COX10: variants seen among roughly 807,000 people sequenced by gnomAD.
COX10 encodes the protein protoheme IX farnesyltransferase, mitochondrial.
In COX10, 27 loss-of-function variants were observed where a neutral mutation model predicts 37.3. The observed-to-expected ratio is 0.72, with a 90% CI of 0.53 to 1.00. The LOEUF (loss-of-function observed/expected upper bound fraction) is 1.00, where lower values mean the gene tolerates loss of function less well. COX10 is among the 50% of genes least tolerant of loss of function. The pLI is 0.00. For synonymous variants in COX10, 222 were observed against 229.1 expected (o/e 0.97, Z 0.28); for missense variants, 475 against 563.2 (o/e 0.84, Z 1.59).
At chr17:14,197,039 A>G (rs150443816) in intron 6 of COX10, among the ~76,000 whole-genome samples, 356 of 152,288 alleles carry the variant, frequency 2.3e-3, no homozygotes, top group African/African-American at 8.3e-3. Context: ...TACTTTTGCA[A>G]AAGCCCTTCC....
In COX10 at chr17:14,207,473, A is replaced by C; in HGVS notation, c.*260A>C. ...AGGGTCTTTATACATCTCTCCTCCA[A>C]CCCCACCCTCTATTCTGTTTCTTCC... On this transcript the variant is annotated 3_prime_UTR_variant, in exon 7 of 7. Coordinates refer to ENST00000261643, the MANE Select transcript of COX10 (RefSeq NM_001303.4). 3 of 456,230 alleles carry C rather than the reference A, an allele frequency of 6.6e-6. No homozygotes were observed. Among genetic ancestry groups the C allele is most frequent in the Non-Finnish European group, 7.8e-6 (2 of 257,378 alleles). The allele number at this position is 456,230 out of a possible 1,614,324, so 28.3% of individuals were successfully genotyped here.
intron 5 of COX10, among the ~76,000 whole-genome samples, chr17:14,175,006 G>A (rs1447381371): frequency 3.7e-5 from 4 of 106,910 alleles, no homozygotes; most frequent in Admixed American, 2.5e-4. Context: ...ACAGCATGTC[G>A]TATGATTCCA....
intron 5 of COX10, among the ~76,000 whole-genome samples, chr17:14,174,544 T>C (rs1394488092): frequency 6.6e-6 from 1 of 151,936 alleles, no homozygotes; most frequent in East Asian, 1.9e-4. Context: ...CAAAAGATTT[T>C]CAACGTCAGT....
At chr17:14,153,450 C>T (rs1489332235) in intron 4 of COX10, among the ~76,000 whole-genome samples, 1 of 152,130 alleles carries the variant, frequency 6.6e-6, no homozygotes, top group Non-Finnish European at 1.5e-5. Context: ...TTCATGTATA[C>T]AAATACAGTT....
chr17:14,100,963 C>G (rs1915763991), intron 3 of COX10, among the ~76,000 whole-genome samples: 2 of 152,110 alleles, frequency 1.3e-5, no homozygotes, highest in African/African-American at 4.8e-5. Context: ...AGCCTTTATC[C>G]ACTAGAAGAC....
At chr17:14,110,518 A>G (rs1394056394) in intron 4 of COX10, among the ~76,000 whole-genome samples, 1 of 152,052 alleles carries the variant, frequency 6.6e-6, no homozygotes, top group Non-Finnish European at 1.5e-5. Flanking sequence ...GCATGTTGTG[A>G]TTAAACCTGA....
At chr17:14,182,854 A>G (rs925742640) in intron 5 of COX10, among the ~76,000 whole-genome samples, 2 of 150,686 alleles carry the variant, frequency 1.3e-5, no homozygotes, top group African/African-American at 4.9e-5. Context: ...ATTACTTAAC[A>G]GAAAAGCCAC....
chr17:14,188,956 C>G (rs1230824740), intron 5 of COX10, among the ~76,000 whole-genome samples: 1 of 145,086 alleles, frequency 6.9e-6, no homozygotes, highest in Non-Finnish European at 1.5e-5. Context: ...TGCTCTTGAT[C>G]TGTCCACTTT....
chr17:14,105,991 G>A (rs1277705477), intron 4 of COX10, among the ~76,000 whole-genome samples: 3 of 146,268 alleles, frequency 2.1e-5, no homozygotes, highest in Non-Finnish European at 4.5e-5. Flanking sequence ...CGCCATGTCA[G>A]TATTTGGTAT....
chr17:14,206,333 G>A (rs1453547821), intron 6 of COX10, among the ~76,000 whole-genome samples: 6 of 152,124 alleles, frequency 3.9e-5, no homozygotes, highest in Non-Finnish European at 5.9e-5. Flanking sequence ...CCGGGTCCCA[G>A]CGGGCGGAAA....
chr17:14,143,317 A>T (rs912198319), intron 4 of COX10, among the ~76,000 whole-genome samples: 2 of 152,208 alleles, frequency 1.3e-5, no homozygotes, highest in Non-Finnish European at 2.9e-5. Context: ...TTCCATTGAA[A>T]TGTATAAAGA....
intron 5 of COX10, among the ~76,000 whole-genome samples, chr17:14,180,960 T>G (rs1418130450): frequency 1.6e-4 from 24 of 150,052 alleles, no homozygotes; most frequent in African/African-American, 4.5e-4. Flanking sequence ...CAAAGTCACT[T>G]CACTGAAAAA....
At chr17:14,152,318 G>A (rs189710847) in intron 4 of COX10, among the ~76,000 whole-genome samples, 1 of 152,288 alleles carries the variant, frequency 6.6e-6, no homozygotes, top group Non-Finnish European at 1.5e-5. Flanking sequence ...CTTACATGCA[G>A]CAGGTAAGAG....
intron 4 of COX10, among the ~76,000 whole-genome samples, chr17:14,146,470 A>G (rs1904723343): frequency 6.6e-6 from 1 of 152,166 alleles, no homozygotes; most frequent in South Asian, 2.1e-4. Flanking sequence ...CTAGACCCCT[A>G]TCTCTTGCCA....
chr17:14,191,788 G>A (rs1906208771), intron 5 of COX10, among the ~76,000 whole-genome samples: 1 of 152,174 alleles, frequency 6.6e-6, no homozygotes, highest in Admixed American at 6.5e-5. Flanking sequence ...ATCAAGAAGA[G>A]CAGCCAGAGC....
intron 4 of COX10, among the ~76,000 whole-genome samples, chr17:14,118,167 G>A (rs1022362387): frequency 6.6e-6 from 1 of 152,018 alleles, no homozygotes; most frequent in African/African-American, 2.4e-5. Context: ...CACAGGATAG[G>A]TGGGCATCGC....
chr17:14,194,245 A>G (rs1325791102), intron 6 of COX10, among the ~76,000 whole-genome samples: 16 of 151,886 alleles, frequency 1.1e-4, no homozygotes, highest in Non-Finnish European at 1.3e-4. Context: ...GGCCCTTGTC[A>G]CACTTCCGGG....
intron 4 of COX10, among the ~76,000 whole-genome samples, chr17:14,112,743 T>C (rs1916030740): frequency 6.6e-6 from 1 of 152,072 alleles, no homozygotes; most frequent in Non-Finnish European, 1.5e-5. Flanking sequence ...GTGCATGTGA[T>C]AGGGGAACTT....
intron 2 of COX10, among the ~76,000 whole-genome samples, chr17:14,075,200 G>C (rs1043846069): frequency 6.6e-6 from 1 of 152,158 alleles, no homozygotes; most frequent in Non-Finnish European, 1.5e-5. Flanking sequence ...GTTGATAAGA[G>C]ATTTAAATTT....
Sources: allele counts gnomAD v4.1 joint callset (sites outside exome capture counted in the v4.1 genomes callset), GRCh38; gene constraint gnomAD v4.1.1; transcripts MANE v1.5; gene names NCBI Gene and HGNC (gene_info 2026-07-23, HGNC 2026-07-21).